Variants in ABCB5 observed in about 807,000 individuals in gnomAD.
The protein encoded by ABCB5 is ATP binding cassette subfamily B member 5, also known as ATP-binding cassette sub-family B member 5.
ABCB5 carries 155 observed loss-of-function variants against 144.2 expected under a neutral mutation model. The ratio of observed to expected loss-of-function variants is 1.08; its 90% CI spans 0.94 to 1.23. The LOEUF (loss-of-function observed/expected upper bound fraction) is 1.23. Among genes scored for constraint, ABCB5 ranks in the 50% most tolerant of loss-of-function variants. The probability of loss-of-function intolerance (pLI) is 0.00; values close to 1 mark genes in which losing one functional copy is unlikely to be tolerated. For missense variants in ABCB5, 1,830 were observed against 1,520.8 expected, an observed-to-expected ratio of 1.20 and a Z score of -3.38; for synonymous variants, 610 against 528.6, an observed-to-expected ratio of 1.15 and a Z score of -2.11.
intron 15 of ABCB5, 97 bp from the exon 16 acceptor site, chr7:20,685,599 T>A: frequency 8.8e-7 from 1 of 1,131,628 alleles, no homozygotes; most frequent in Non-Finnish European, 1.2e-6. Context: ...CCACTTTCAA[T>A]AGCAAAGGCG....
At chr7:20,641,218 C>CTCA (rs759768306) in intron 5 of ABCB5, among the ~76,000 whole-genome samples, 8 of 152,150 alleles carry the variant, frequency 5.3e-5, no homozygotes, top group Non-Finnish European at 7.3e-5. Context: ...AAGTGATACC[C>CTCA]TCATCACCAG....
rs1049409569 is a variant in ABCB5, at chr7:20,743,051, T to C, written c.3199T>C (p.Tyr1067His). Reference sequence around the variant, plus strand: ...TTCTGTTCAACTTCTGCAGAGACTTTATGACCCCGTGCAAGGACAAGTGGT... The same window carrying C: ...TTCTGTTCAACTTCTGCAGAGACTTCATGACCCCGTGCAAGGACAAGTGGT... ...STSVQLLQRL[Y>H]DPVQGQVLFD... The change falls in exon 25 of 28, where the codon TAT becomes CAT. Residue 1067 changes from tyrosine to histidine, a missense_variant. By Grantham distance (83) the Tyr-to-His change is moderately conservative (BLOSUM62 2). Transcript: ENST00000404938. The C allele has an allele frequency of 1.9e-6, 3 of 1,613,916 alleles. No homozygotes were observed. Among genetic ancestry groups the C allele is most frequent in the South Asian group, 1.1e-5 (1 of 91,074 alleles).
intron 14 of ABCB5, among the ~76,000 whole-genome samples, chr7:20,674,529 C>A (rs1382089980): frequency 6.6e-6 from 1 of 151,692 alleles, no homozygotes; most frequent in Non-Finnish European, 1.5e-5. Flanking sequence ...AAGTTGCTAT[C>A]AGCTTAAAAT....
chr7:20,725,787 G>A (rs541194130), intron 21 of ABCB5, among the ~76,000 whole-genome samples: 19 of 151,886 alleles, frequency 1.3e-4, no homozygotes, highest in African/African-American at 4.3e-4. Context: ...CAAGGTTTCA[G>A]CATTCTTATC....
At chr7:20,738,038 AG>A (rs1664990115) in intron 23 of ABCB5, among the ~76,000 whole-genome samples, 1 of 152,318 alleles carries the variant, frequency 6.6e-6, no homozygotes, top group Middle Eastern at 3.4e-3. Flanking sequence ...ACCCTTTGAT[AG>A]GCCCCATTGA....
Position 20,745,385 on chromosome 7 carries a change from A to G in ABCB5, c.3376A>G (p.Lys1126Glu). The G allele has an allele frequency of 6.2e-7, 1 of 1,614,236 alleles. No individual in the cohort carries two copies. The change falls in exon 26 of 28, where the codon AAA (lysine) becomes GAA (glutamate). Residue 1126 changes from lysine (K) to glutamate (E), a missense_variant. By Grantham distance (56) the Lys-to-Glu change is moderately conservative (BLOSUM62 1). Coordinates refer to ENST00000404938, the MANE Select transcript of ABCB5 (RefSeq NM_001163941.2). ...CCGTGTGGTGCCATTAGATGAGATC[A>G]AAGAAGCCGCAAATGCAGCAAATAT... Reference protein sequence around the residue: ...NSRVVPLDEIKEAANAANIHS... With the variant: ...NSRVVPLDEIEEAANAANIHS...
At chr7:20,672,523 A>G (rs1479978905) in intron 14 of ABCB5, among the ~76,000 whole-genome samples, 1 of 152,188 alleles carries the variant, frequency 6.6e-6, no homozygotes, top group Non-Finnish European at 1.5e-5. Context: ...TATCTATGTA[A>G]CAAACCTTCC....
At chr7:20,668,963 C>T (rs1428039351) in intron 14 of ABCB5, among the ~76,000 whole-genome samples, 8 of 106,646 alleles carry the variant, frequency 7.5e-5, no homozygotes, top group South Asian at 4.1e-4. Flanking sequence ...CCGCCCCGTC[C>T]GGGAGGGAGG....
chr7:20,626,586 A>G lies in ABCB5; in HGVS notation c.83A>G (p.Lys28Arg). 2 of 1,608,340 alleles carry G rather than the reference A, an allele frequency of 1.2e-6. No individual in the cohort carries two copies. Among genetic ancestry groups the G allele is most frequent in the Non-Finnish European group, 1.7e-6 (2 of 1,177,180 alleles). Residue 28 changes from lysine to arginine, a missense_variant, in exon 3 of 28, where the codon AAG becomes AGG. By Grantham distance (26) the Lys-to-Arg change is conservative (BLOSUM62 2). Coordinates refer to ENST00000404938, the MANE Select transcript of ABCB5 (RefSeq NM_001163941.2). ...GTAEEQPKLRKEAVGSIEIFR... is the reference protein window; with the variant it reads ...GTAEEQPKLRREAVGSIEIFR... ...GCAGAAGAACAGCCAAAACTGAGAAAGGAAGCAGTTGGATCTATTGAGATA... is the reference window on the plus strand; with the variant it reads ...GCAGAAGAACAGCCAAAACTGAGAAGGGAAGCAGTTGGATCTATTGAGATA...
At chr7:20,647,469 A>G in intron 9 of ABCB5, 66 bp from the exon 10 acceptor site, 3 of 1,487,188 alleles carry the variant, frequency 2.0e-6, no homozygotes, top group Middle Eastern at 4.1e-4. Context: ...ATAATTATAT[A>G]TTACATTCTA....
intron 14 of ABCB5, among the ~76,000 whole-genome samples, chr7:20,668,411 G>A (rs1230249650): frequency 4.7e-5 from 7 of 150,358 alleles, no homozygotes; most frequent in East Asian, 2.1e-4. Context: ...CTGCTGGGCC[G>A]CAACCCTGTC....
intron 15 of ABCB5, among the ~76,000 whole-genome samples, chr7:20,682,856 G>A (rs1321406050): frequency 6.6e-6 from 1 of 152,094 alleles, no homozygotes; most frequent in Admixed American, 6.5e-5. Context: ...CCCTTCTTTA[G>A]GATCCATACT....
At chr7:20,732,453 T>G (rs534879886) in intron 23 of ABCB5, among the ~76,000 whole-genome samples, 1 of 152,336 alleles carries the variant, frequency 6.6e-6, no homozygotes, top group East Asian at 1.9e-4. Context: ...ACCTATCTTG[T>G]TCACTGATGT....
intron 22 of ABCB5, 114 bp from the exon 23 acceptor site, chr7:20,728,201 C>T (rs1782097532): frequency 9.5e-6 from 12 of 1,257,120 alleles, no homozygotes; most frequent in Admixed American, 2.5e-5. Flanking sequence ...TCGAAAAATG[C>T]CTTTCCACCA....
chr7:20,743,876 C>G (rs1383950284), intron 25 of ABCB5, among the ~76,000 whole-genome samples: 1 of 152,092 alleles, frequency 6.6e-6, no homozygotes, highest in African/African-American at 2.4e-5. Context: ...AGACACTCAT[C>G]TATTCGCACA....
At chr7:20,738,274 G>A (rs1782452841) in intron 23 of ABCB5, among the ~76,000 whole-genome samples, 1 of 152,104 alleles carries the variant, frequency 6.6e-6, no homozygotes, top group Admixed American at 6.5e-5. Context: ...AAAATGAGAG[G>A]AAAATATTTA....
rs1258709056 is a variant in ABCB5 at position 20,756,208 on chromosome 7, G to T, written c.*584G>T. 6.6e-6 allele frequency: 1 copy of T among 152,506 alleles called. No homozygotes were observed. Among genetic ancestry groups the T allele is most frequent in the East Asian group, 1.9e-4 (1 of 5,350 alleles). 9.4% of individuals were successfully genotyped at this position (152,506 alleles called of 1,614,324 possible). A position where few individuals can be genotyped will look rare whatever the true frequency, so the allele number is the denominator to read the frequency against. On this transcript the variant is annotated 3_prime_UTR_variant, in exon 28 of 28. Transcript: ENST00000404938. ...GATTACGATGTAAAATTTCTGGGAG[G>T]ATTAGGTAGCTATCTCCTACTTCAC...
chr7:20,689,004 T>A (rs1370766226), intron 16 of ABCB5, among the ~76,000 whole-genome samples: 1 of 152,012 alleles, frequency 6.6e-6, no homozygotes, highest in Non-Finnish European at 1.5e-5. Flanking sequence ...CATTAGGAGA[T>A]ATACCTAAGG....
intron 21 of ABCB5, among the ~76,000 whole-genome samples, chr7:20,723,534 G>C (rs186345257): frequency 1.3e-5 from 2 of 152,288 alleles, no homozygotes; most frequent in East Asian, 3.9e-4. Flanking sequence ...TAGACTTCAG[G>C]TTTCTCATCT....
Sources: gnomAD v4.1 joint callset for allele counts (sites outside exome capture counted in the v4.1 genomes callset) on GRCh38, gnomAD v4.1.1 for gene constraint, MANE v1.5 for transcripts, NCBI Gene and HGNC (gene_info 2026-07-23, HGNC 2026-07-21) for gene names.